The following MSI2 variants were observed in gnomAD, a reference collection of about 807,000 sequenced individuals.
The protein encoded by MSI2 is musashi RNA binding protein 2, also known as RNA-binding protein Musashi homolog 2.
Under a neutral mutation model 45.6 loss-of-function variants are expected in MSI2, and 17 were observed. The observed-to-expected ratio is 0.37, with a 90% CI of 0.26 to 0.56. The LOEUF (loss-of-function observed/expected upper bound fraction) is 0.56, where lower values mean the gene tolerates loss of function less well. MSI2 is among the 20% of genes least tolerant of loss of function. The pLI is 0.77. For synonymous variants in MSI2, 156 were observed against 158.2 expected, an observed-to-expected ratio of 0.99 and a Z score of 0.11; for missense variants, 293 against 444.2, an observed-to-expected ratio of 0.66 and a Z score of 3.06.
intron 5 of MSI2, among the ~76,000 whole-genome samples, chr17:57,350,799 T>G (rs1915975489): frequency 6.6e-6 from 1 of 152,202 alleles, no homozygotes; most frequent in Non-Finnish European, 1.5e-5. Flanking sequence ...TTTTAGACTT[T>G]TTGTTCACCC....
chr17:57,356,274 A>G (rs1448541124), intron 5 of MSI2, among the ~76,000 whole-genome samples: 3 of 152,210 alleles, frequency 2.0e-5, no homozygotes, highest in Non-Finnish European at 4.4e-5. Flanking sequence ...CCCTCTTTGC[A>G]TAACTTCTTT....
intron 5 of MSI2, among the ~76,000 whole-genome samples, chr17:57,349,113 G>A (rs964591214): frequency 6.6e-6 from 1 of 152,178 alleles, no homozygotes; most frequent in Non-Finnish European, 1.5e-5. Flanking sequence ...CATGGTTCCT[G>A]GCTGACCACT....
At chr17:57,553,236 C>T (rs1249804215) in intron 7 of MSI2, among the ~76,000 whole-genome samples, 1 of 152,228 alleles carries the variant, frequency 6.6e-6, no homozygotes, top group African/African-American at 2.4e-5. Context: ...GAGCACTGGA[C>T]TGGGGACCAT....
At chr17:57,642,424 G>T (rs879402299) in intron 10 of MSI2, among the ~76,000 whole-genome samples, 1 of 152,214 alleles carries the variant, frequency 6.6e-6, no homozygotes, top group Non-Finnish European at 1.5e-5. Context: ...CCACGCCCAG[G>T]TCCTTGAGCT....
chr17:57,583,307 C>T (rs541452932), intron 7 of MSI2, among the ~76,000 whole-genome samples: 1 of 152,274 alleles, frequency 6.6e-6, no homozygotes, highest in Admixed American at 6.5e-5. Flanking sequence ...GCCCCACCCT[C>T]ATGGAAACAT....
At chr17:57,526,408 TGA>T (rs1491352888) in intron 6 of MSI2, among the ~76,000 whole-genome samples, 1 of 118,538 alleles carries the variant, frequency 8.4e-6, no homozygotes, top group Non-Finnish European at 1.8e-5. Context: ...TGTGTGTGTG[TGA>T]CAGAGAGAGA....
rs1012302032 is a variant in MSI2, at chr17:57,450,859, A to T, written c.405+49388A>T. Among the ~76,000 whole-genome samples the T allele has an allele frequency of 5.9e-5, 9 of 152,134 alleles. No homozygotes were observed. In the East Asian group the frequency reaches 1.7e-3, roughly 29 times the overall value. ...GAAAATAATATAGTCTTGTTTTCTC[A>T]GGCTGTCCACCCTCCTCCCAAAACT... is the stretch of plus-strand genomic sequence containing the variant. On this transcript the variant is annotated intron_variant, in intron 6 of 13. Transcript: ENST00000284073.
rs922153774 is a variant in MSI2, at chr17:57,433,291, T to G, written c.405+31820T>G. On this transcript the variant is annotated intron_variant, in intron 6 of 13. Coordinates refer to ENST00000284073, the MANE Select transcript of MSI2 (RefSeq NM_138962.4). The stretch of plus-strand genomic sequence containing the variant: ...TATTTGTAAATAGGGTCTTTGCAGA[T>G]ATAATTAGGTAACATGCTGTTGGGA... 2.6e-5 allele frequency among the ~76,000 whole-genome samples: 4 copies of G among 152,126 alleles called. No homozygotes were observed. The East Asian group carries it at 7.7e-4, about 29-fold the overall frequency.
chr17:57,319,531 CTT>C (rs1304918463), intron 5 of MSI2, among the ~76,000 whole-genome samples: 1 of 152,164 alleles, frequency 6.6e-6, no homozygotes, highest in East Asian at 1.9e-4. Flanking sequence ...ATGGTAGAGA[CTT>C]TTGATCGAGA....
rs1913806433 is a variant in MSI2 at position 57,684,450 on chromosome 17, C to CCA, written c.*4933_*4934insCA. The CCA allele has an allele frequency of 1.2e-5, 2 of 173,530 alleles. No individual in the cohort carries two copies. The highest frequency in any genetic ancestry group is 2.5e-5 in the Non-Finnish European group (2 of 81,036). 10.7% of individuals were successfully genotyped at this position (173,530 alleles called of 1,614,324 possible). A position where few individuals can be genotyped will look rare whatever the true frequency, so the allele number is the denominator to read the frequency against. ...ATATATATACATATATATGTACTAT[C>CCA]TATATATATATCTCAAGCATCTTTC... is the stretch of plus-strand genomic sequence containing the variant. On this transcript the variant is annotated 3_prime_UTR_variant, in exon 14 of 14. Coordinates refer to ENST00000284073, the MANE Select transcript of MSI2 (RefSeq NM_138962.4).
At chr17:57,503,907 G>C (rs1379833329) in intron 6 of MSI2, among the ~76,000 whole-genome samples, 1 of 152,182 alleles carries the variant, frequency 6.6e-6, no homozygotes, top group Non-Finnish European at 1.5e-5. Context: ...ACGATGCCCA[G>C]CTAATTTTTG....
intron 8 of MSI2, among the ~76,000 whole-genome samples, chr17:57,597,209 C>T (rs1029145234): frequency 2.0e-5 from 3 of 152,152 alleles, no homozygotes; most frequent in South Asian, 2.1e-4. Flanking sequence ...TGCTGGGTAG[C>T]GTCCATAGGC....
chr17:57,490,450 C>T (rs1413203114), intron 6 of MSI2, among the ~76,000 whole-genome samples: 3 of 152,184 alleles, frequency 2.0e-5, no homozygotes, highest in Admixed American at 1.3e-4. Context: ...ATTCTCTAAT[C>T]GGAGTTTGGG....
chr17:57,501,160 T>C (rs12947081), intron 6 of MSI2, among the ~76,000 whole-genome samples: 54,735 of 151,946 alleles, frequency 0.36, 10,155 homozygotes, highest in Admixed American at 0.49. Context: ...GTGTGGTTCC[T>C]GAGTGTAAGG....
chr17:57,463,522 C>A (rs2085271798), intron 6 of MSI2, among the ~76,000 whole-genome samples: 1 of 152,142 alleles, frequency 6.6e-6, no homozygotes, highest in Admixed American at 6.5e-5. Context: ...CCCGCCCTCC[C>A]AGCTGGCTGG....
chr17:57,276,775 T>C (rs191448560), intron 5 of MSI2, among the ~76,000 whole-genome samples: 2 of 152,282 alleles, frequency 1.3e-5, no homozygotes, highest in East Asian at 3.9e-4. Flanking sequence ...TGGGTGACGC[T>C]AGAATTTCTC....
At chr17:57,443,239 A>G (rs2084833098) in intron 6 of MSI2, among the ~76,000 whole-genome samples, 1 of 151,940 alleles carries the variant, frequency 6.6e-6, no homozygotes, top group Non-Finnish European at 1.5e-5. Flanking sequence ...AGCCCTCTGG[A>G]AGGTCTGGAC....
chr17:57,615,646 C>G (rs973742203), intron 8 of MSI2, among the ~76,000 whole-genome samples: 1 of 152,210 alleles, frequency 6.6e-6, no homozygotes, highest in Non-Finnish European at 1.5e-5. Context: ...ACACATCCAA[C>G]AGCCATTGTC....
chr17:57,277,400 T>C (rs994753679), intron 5 of MSI2, among the ~76,000 whole-genome samples: 3 of 152,152 alleles, frequency 2.0e-5, no homozygotes, highest in South Asian at 2.1e-4. Context: ...TGAGGGAGTA[T>C]GGCAGACCAT....
Sources: gnomAD v4.1 joint callset for allele counts (sites outside exome capture counted in the v4.1 genomes callset) on GRCh38, gnomAD v4.1.1 for gene constraint, MANE v1.5 for transcripts, NCBI Gene and HGNC (gene_info 2026-07-23, HGNC 2026-07-21) for gene names.